The following ABCC4 variants were observed in gnomAD, a reference collection of about 807,000 sequenced individuals.
The protein encoded by ABCC4 is ATP-binding cassette sub-family C member 4.
Under a neutral mutation model 168.5 loss-of-function variants are expected in ABCC4, and 102 were observed. That is an observed-to-expected ratio of 0.61 (90% CI 0.52 to 0.71). The LOEUF (loss-of-function observed/expected upper bound fraction) is 0.71. Ranked by LOEUF, ABCC4 falls within the 30% of genes least tolerant of loss-of-function variation. The pLI is 0.00. For missense variants in ABCC4, 1,402 were observed against 1,605.8 expected (o/e 0.87, Z 2.17); for synonymous variants, 617 against 590.7 (o/e 1.04, Z -0.65).
At chr13:95,226,140 CAATTACTTCATCTGG>C (rs141218374) in intron 4 of ABCC4, among the ~76,000 whole-genome samples, 3 of 9,700 alleles carry the variant, frequency 3.1e-4, no homozygotes, top group African/African-American at 6.4e-4. Flanking sequence ...TCCAACAGGG[CAATTACTTCATCTGG>C]AATTACTTCA....
chr13:95,182,948 T>C (rs549285550), intron 11 of ABCC4, among the ~76,000 whole-genome samples: 16 of 152,238 alleles, frequency 1.1e-4, no homozygotes, highest in Non-Finnish European at 2.2e-4. Context: ...TATCTTATTA[T>C]TTTATCTCAA....
intron 13 of ABCC4, among the ~76,000 whole-genome samples, chr13:95,174,399 T>C (rs1403775066): frequency 2.0e-5 from 3 of 152,226 alleles, no homozygotes; most frequent in African/African-American, 2.4e-5. Flanking sequence ...TTCAATCCAA[T>C]TTTCTAACTC....
intron 20 of ABCC4, among the ~76,000 whole-genome samples, chr13:95,115,088 G>T (rs994577910): frequency 1.3e-5 from 2 of 152,002 alleles, no homozygotes; most frequent in Admixed American, 6.6e-5. Context: ...GAAAAAAAAA[G>T]TGCCCCAGCT....
At chr13:95,025,279 A>C (rs1593957167) in intron 30 of ABCC4, among the ~76,000 whole-genome samples, 3 of 25,260 alleles carry the variant, frequency 1.2e-4, no homozygotes, top group Admixed American at 5.5e-4. Flanking sequence ...ACCCCCACAC[A>C]CACCCCCACA....
intron 4 of ABCC4, among the ~76,000 whole-genome samples, chr13:95,233,099 T>C (rs1381136814): frequency 6.6e-6 from 1 of 152,168 alleles, no homozygotes; most frequent in African/African-American, 2.4e-5. Context: ...AACAGTTATT[T>C]GTTTATAGTA....
intron 22 of ABCC4, chr13:95,075,200 A>T (rs2033854409): frequency 1.9e-6 from 1 of 527,476 alleles, no homozygotes; most frequent in Admixed American, 3.4e-5. Flanking sequence ...ATGGTGAGAG[A>T]AAGACCCCAC....
chr13:95,134,971 C>A (rs1030120027), intron 19 of ABCC4, among the ~76,000 whole-genome samples: 2 of 151,982 alleles, frequency 1.3e-5, no homozygotes, highest in African/African-American at 4.8e-5. Flanking sequence ...TGTAGAGTCT[C>A]CTGTCCACAG....
At chr13:95,299,381 CT>C (rs1443061731) in intron 1 of ABCC4, among the ~76,000 whole-genome samples, 5 of 152,050 alleles carry the variant, frequency 3.3e-5, no homozygotes, top group African/African-American at 1.2e-4. Context: ...CCACGTGCCC[CT>C]CTCCTTAAGA....
chr13:95,031,516 A>G (rs2031876411), intron 30 of ABCC4, among the ~76,000 whole-genome samples: 1 of 152,240 alleles, frequency 6.6e-6, no homozygotes, highest in African/African-American at 2.4e-5. Flanking sequence ...AGACTTACAG[A>G]CTGCTGTGAG....
At chr13:95,167,382 A>G (rs1157932187) in intron 14 of ABCC4, among the ~76,000 whole-genome samples, 1 of 152,106 alleles carries the variant, frequency 6.6e-6, no homozygotes, top group Non-Finnish European at 1.5e-5. Flanking sequence ...TTCCTCAAAC[A>G]GCAGCAAACA....
intron 26 of ABCC4, among the ~76,000 whole-genome samples, chr13:95,059,567 A>C (rs757499950): frequency 3.3e-5 from 5 of 152,182 alleles, no homozygotes; most frequent in Non-Finnish European, 5.9e-5. Context: ...AAGCCAGAAA[A>C]CAAAGTGATA....
At chr13:95,076,003 C>T (rs2033888171) in intron 21 of ABCC4, among the ~76,000 whole-genome samples, 1 of 152,152 alleles carries the variant, frequency 6.6e-6, no homozygotes, top group Non-Finnish European at 1.5e-5. Context: ...CCTTAAATTG[C>T]TAATTTCTCA....
chr13:95,177,716 A>G lies in ABCC4; in HGVS notation c.1718T>C (p.Leu573Ser). ...ACACAAACACACTCACAGTTCGAACAAGTGTCTGCTAACTTCCGCATCTAC... is the reference window on the plus strand; with the variant it reads ...ACACAAACACACTCACAGTTCGAACGAGTGTCTGCTAACTTCCGCATCTAC... ...SAVDAEVSRH[L>S]FELCICQILH... The change falls in exon 13 of 31, where the codon TTG becomes TCG. Residue 573 changes from leucine to serine, a missense_variant. Physicochemically the swap from Leu to Ser is moderately radical, Grantham distance 145. This residue lies in a region of ABCC4 where 1,007 missense variants were observed against 1,127.3 expected (regional missense o/e 0.89). Transcript: ENST00000645237. 4 of 1,609,598 alleles carry G rather than the reference A, an allele frequency of 2.5e-6. No individual in the cohort carries two copies. The highest frequency in any genetic ancestry group is 1.7e-6 in the Non-Finnish European group (2 of 1,176,558).
At chr13:95,296,003 G>A (rs182638334) in intron 1 of ABCC4, among the ~76,000 whole-genome samples, 41 of 151,064 alleles carry the variant, frequency 2.7e-4, no homozygotes, top group Middle Eastern at 3.5e-3. Context: ...GTGTGGTGGC[G>A]TGCACCTGTA....
At chr13:95,275,118 T>C (rs1188830266) in intron 1 of ABCC4, among the ~76,000 whole-genome samples, 1 of 152,194 alleles carries the variant, frequency 6.6e-6, no homozygotes, top group Non-Finnish European at 1.5e-5. Context: ...ATTTTTAACA[T>C]ATAAACCTCC....
In ABCC4 at chr13:95,138,959, C is replaced by T. The variant is rs577584154; in HGVS notation, c.2455+22230G>A. ...CAACCACCCATCCCCATGACAGGTC[C>T]GTGAGAGATCCTTCAAGGCTCGCCC... On this transcript the variant is annotated intron_variant, in intron 19 of 30. Transcript: ENST00000645237. 5.3e-5 allele frequency among the ~76,000 whole-genome samples: 8 copies of T among 152,304 alleles called. No individual in the cohort carries two copies. The East Asian group carries it at 7.7e-4, about 15-fold the overall frequency.
chr13:95,026,331 CAGGATAGGATTG>C (rs1224797897), intron 30 of ABCC4, among the ~76,000 whole-genome samples: 1 of 150,130 alleles, frequency 6.7e-6, no homozygotes, highest in Non-Finnish European at 1.5e-5. Context: ...GTGTGAGACA[CAGGATAGGATTG>C]AGCAAACAAA....
intron 19 of ABCC4, among the ~76,000 whole-genome samples, chr13:95,158,393 G>A (rs2036949921): frequency 1.3e-5 from 2 of 152,174 alleles, no homozygotes; most frequent in African/African-American, 4.8e-5. Context: ...AAGGGCACTG[G>A]AGATGGGGAT....
At chr13:95,271,783 T>C (rs1487608689) in intron 1 of ABCC4, among the ~76,000 whole-genome samples, 1 of 152,084 alleles carries the variant, frequency 6.6e-6, no homozygotes, top group East Asian at 1.9e-4. Context: ...TGCACGAAAC[T>C]GGAAGGAGAC....
Sources: allele counts gnomAD v4.1 joint callset (sites outside exome capture counted in the v4.1 genomes callset), GRCh38; gene constraint gnomAD v4.1.1; regional missense constraint gnomAD v4.1.1; transcripts MANE v1.5; gene names NCBI Gene and HGNC (gene_info 2026-07-23, HGNC 2026-07-21).